Variants in ZNF395 observed in about 807,000 individuals in gnomAD.
ZNF395 encodes zinc finger protein 395, also known as HD gene regulatory region-binding protein 2.
ZNF395 carries 20 observed loss-of-function variants against 57.7 expected under a neutral mutation model. The observed-to-expected ratio is 0.35, with a 90% confidence interval of 0.24 to 0.50. The LOEUF (loss-of-function observed/expected upper bound fraction) is 0.50. ZNF395 is among the 20% of genes least tolerant of loss of function. The pLI, the probability that ZNF395 is intolerant of heterozygous loss-of-function variation, is 0.97. For synonymous variants in ZNF395, 295 were observed against 275.9 expected (o/e 1.07, Z -0.69); for missense variants, 606 against 671.2 (o/e 0.90, Z 1.07).
At chr8:28,385,054 G>T (rs893754386) in intron 1 of ZNF395, 1 of 152,292 alleles carries the variant, frequency 6.6e-6, no homozygotes, top group Non-Finnish European at 1.5e-5. Context: ...TGTCAAGAAG[G>T]CCTTAGATAC....
intron 8 of ZNF395, 126 bp downstream of exon 8, chr8:28,349,938 G>A (rs772493163): frequency 4.9e-6 from 4 of 821,278 alleles, no homozygotes; most frequent in Non-Finnish European, 7.2e-6. Flanking sequence ...TTTGGGGGCT[G>A]AAAGCAAGAT....
rs1213235391 is a variant in ZNF395, at chr8:28,359,228, C to A, written c.473+364G>T. 1.3e-5 allele frequency among the ~76,000 whole-genome samples: 2 copies of A among 152,092 alleles called. No individual in the cohort carries two copies. Among genetic ancestry groups the A allele is most frequent in the Admixed American group, 1.3e-4 (2 of 15,274 alleles). ...CCTGACCAATAAATATGGTGAAACC[C>A]CATCTCTACCAAAAAATACAAAAAT... is the stretch of plus-strand genomic sequence containing the variant. On this transcript the variant is annotated intron_variant, in intron 3 of 9. Transcript: ENST00000344423. This position sits in a 1 kb window ranked among gnomAD's most constrained non-coding sequence, Gnocchi z 4.7.
At chr8:28,363,811 C>A (rs1377966204) in intron 1 of ZNF395, among the ~76,000 whole-genome samples, 1 of 151,858 alleles carries the variant, frequency 6.6e-6, no homozygotes, top group African/African-American at 2.4e-5. Flanking sequence ...AAGCCTTATT[C>A]TTTTTTTTAA....
intron 1 of ZNF395, among the ~76,000 whole-genome samples, chr8:28,364,557 AG>A (rs1408444081): frequency 6.6e-6 from 1 of 151,838 alleles, no homozygotes; most frequent in East Asian, 1.9e-4. Context: ...GGGAGGCTGA[AG>A]CACAAGAATC....
chr8:28,366,720 GC>G (rs1484489349), intron 1 of ZNF395, among the ~76,000 whole-genome samples: 1 of 151,582 alleles, frequency 6.6e-6, no homozygotes, highest in African/African-American at 2.4e-5. Context: ...TTGAACCTTG[GC>G]AGAAGCAAAC....
chr8:28,360,741 C>T, intron 2 of ZNF395, 144 bp downstream of exon 2: 1 of 1,175,256 alleles, frequency 8.5e-7, no homozygotes, highest in Non-Finnish European at 1.2e-6. Context: ...GGGCGATCTG[C>T]TGCCCAGGTG....
At chr8:28,382,538 A>T (rs1169348778) in intron 1 of ZNF395, among the ~76,000 whole-genome samples, 1 of 152,116 alleles carries the variant, frequency 6.6e-6, no homozygotes, top group East Asian at 1.9e-4. Context: ...AGTTCATCCC[A>T]GACTTCCTTC....
chr8:28,348,783 T>C lies in ZNF395; in HGVS notation c.1478A>G (p.Glu493Gly). 1 of 1,614,062 alleles carries C rather than the reference T, an allele frequency of 6.2e-7. No homozygotes were observed. The highest frequency in any genetic ancestry group is 8.5e-7 in the Non-Finnish European group (1 of 1,180,018). Residue 493 changes from glutamate (E) to glycine (G), a missense_variant, in exon 10 of 10, where the codon GAG becomes GGG. Glu to Gly is a moderately conservative substitution (Grantham distance 98). Coordinates refer to ENST00000344423, the MANE Select transcript of ZNF395 (RefSeq NM_018660.3). ...GGCCGTGCACCACTGGTCCCGGTGC[T>C]CGATGCCATACACCTTGCGGCACTT... is the stretch of plus-strand genomic sequence containing the variant. ...AKKCRKVYGI[E>G]HRDQWCTACR...
chr8:28,358,555 C>T (rs1293608090), intron 3 of ZNF395, among the ~76,000 whole-genome samples: 3 of 152,100 alleles, frequency 2.0e-5, no homozygotes, highest in Non-Finnish European at 4.4e-5. Flanking sequence ...CCTGCCTCAG[C>T]TTCCTAAGTA....
At position 28,351,719 on chromosome 8, in the gene ZNF395, C is replaced by A; in HGVS notation, c.1009G>T (p.Ala337Ser). ...QLKEESAAAA[A>S]AAAAGTPVPG... ...ACTGGGGTGCCTGCGGCAGCAGCAG[C>A]AGCAGCAGCAGCAGATTCCTCCTTC... The change falls in exon 7 of 10, where the codon GCT becomes TCT. Residue 337 changes from alanine (A) to serine (S), a missense_variant. Physicochemically the swap from Ala to Ser is moderately conservative, Grantham distance 99. Transcript: ENST00000344423. The A allele has an allele frequency of 6.2e-7, 1 of 1,607,664 alleles. No homozygotes were observed. Among genetic ancestry groups the A allele is most frequent in the Non-Finnish European group, 8.5e-7 (1 of 1,179,716 alleles).
intron 1 of ZNF395, among the ~76,000 whole-genome samples, chr8:28,383,107 A>G (rs940385716): frequency 2.6e-5 from 4 of 152,356 alleles, no homozygotes; most frequent in South Asian, 2.1e-4. Context: ...CACACTCTAT[A>G]AAGAAAAATA....
intron 1 of ZNF395, among the ~76,000 whole-genome samples, chr8:28,377,271 G>T (rs1802052977): frequency 6.6e-6 from 1 of 152,078 alleles, no homozygotes; most frequent in Non-Finnish European, 1.5e-5. Context: ...AGAAGCAGTG[G>T]CTCATGCCTA....
intron 1 of ZNF395, among the ~76,000 whole-genome samples, chr8:28,374,422 C>T (rs1388126840): frequency 6.6e-6 from 1 of 152,126 alleles, no homozygotes; most frequent in Non-Finnish European, 1.5e-5. Context: ...TTTTTCCCCT[C>T]CAGAGAATGT....
At chr8:28,353,813 C>T (rs977340796) in intron 4 of ZNF395, among the ~76,000 whole-genome samples, 2 of 152,136 alleles carry the variant, frequency 1.3e-5, no homozygotes, top group Non-Finnish European at 2.9e-5. Context: ...GGGGGAAGGG[C>T]AAAGCCTCTG....
chr8:28,371,939 C>T (rs1801982126), intron 1 of ZNF395, among the ~76,000 whole-genome samples: 1 of 152,042 alleles, frequency 6.6e-6, no homozygotes, highest in Non-Finnish European at 1.5e-5. Context: ...ATCCCAGCTA[C>T]TGGGGAGGCT....
In ZNF395 at chr8:28,360,955, T is replaced by A. The variant is rs1585856295; in HGVS notation, c.170A>T (p.Gln57Leu). 6.2e-7 allele frequency: 1 copy of A among 1,613,632 alleles called. No homozygotes were observed. Among genetic ancestry groups the A allele is most frequent in the Non-Finnish European group, 8.5e-7 (1 of 1,179,828 alleles). ...TTSDDTPCQE[Q>L]PKEVLKAPST... ...GGGAGCCTTAAGGACTTCCTTGGGC[T>A]GCTCCTGGCAGGGGGTGTCATCAGA... Residue 57 changes from glutamine (Q) to leucine (L), a missense_variant, in exon 2 of 10, where the codon CAG becomes CTG. Around this residue, in one of 3 missense-constraint regions of ZNF395, gnomAD observed 309 missense variants for 374.7 expected, o/e 0.82. Coordinates refer to ENST00000344423, the MANE Select transcript of ZNF395 (RefSeq NM_018660.3).
chr8:28,353,126 C>T, intron 5 of ZNF395, 47 bp downstream of exon 5: 5 of 1,585,766 alleles, frequency 3.2e-6, no homozygotes, highest in Non-Finnish European at 4.3e-6. Flanking sequence ...CCCACACAGA[C>T]ATCATCCGCT....
chr8:28,355,711 A>G (rs1332289633), intron 4 of ZNF395, among the ~76,000 whole-genome samples: 1 of 152,232 alleles, frequency 6.6e-6, no homozygotes, highest in Admixed American at 6.5e-5. Context: ...GCGCTAATAG[A>G]GCAGGCATGC....
At chr8:28,362,764 G>A (rs1801865788) in intron 1 of ZNF395, among the ~76,000 whole-genome samples, 1 of 152,172 alleles carries the variant, frequency 6.6e-6, no homozygotes, top group South Asian at 2.1e-4. Flanking sequence ...CATCTCCATA[G>A]TAACAAAACC....
Sources: allele counts gnomAD v4.1 joint callset (sites outside exome capture counted in the v4.1 genomes callset), GRCh38; gene constraint gnomAD v4.1.1; regional missense constraint gnomAD v4.1.1; non-coding constraint Gnocchi (gnomAD v3.1); transcripts MANE v1.5; gene names NCBI Gene and HGNC (gene_info 2026-07-23, HGNC 2026-07-21).